Variants in GPM6A observed in about 807,000 individuals in gnomAD.
GPM6A encodes neuronal membrane glycoprotein M6-a.
In GPM6A, 7 loss-of-function variants were observed where a neutral mutation model predicts 32.1. The observed-to-expected ratio is 0.22, with a 90% CI of 0.12 to 0.41. The LOEUF (loss-of-function observed/expected upper bound fraction) is 0.41. GPM6A is among the 10% of genes least tolerant of loss of function. The probability of loss-of-function intolerance (pLI) is 1.00; values close to 1 mark genes in which losing one functional copy is unlikely to be tolerated. For synonymous variants in GPM6A, 130 were observed against 123.4 expected, an observed-to-expected ratio of 1.05 and a Z score of -0.35; for missense variants, 235 against 347.2, an observed-to-expected ratio of 0.68 and a Z score of 2.57.
At chr4:175,991,609 A>G (rs1741148175) in intron 1 of GPM6A, among the ~76,000 whole-genome samples, 1 of 152,192 alleles carries the variant, frequency 6.6e-6, no homozygotes, top group Admixed American at 6.5e-5. Context: ...AAAACTATCT[A>G]CTAAATATAA....
At chr4:175,734,326 T>C (rs1731564070) in intron 1 of GPM6A, among the ~76,000 whole-genome samples, 2 of 152,062 alleles carry the variant, frequency 1.3e-5, no homozygotes, top group African/African-American at 4.8e-5. Flanking sequence ...CTCACTACTG[T>C]CACTTGATCA....
intron 1 of GPM6A, among the ~76,000 whole-genome samples, chr4:175,923,085 A>G (rs917271166): frequency 9.9e-5 from 15 of 151,958 alleles, no homozygotes; most frequent in East Asian, 9.6e-4. Context: ...TATTATTCAT[A>G]TAAAAATTGA....
chr4:175,852,004 C>T (rs1333185918), intron 1 of GPM6A, among the ~76,000 whole-genome samples: 1 of 152,042 alleles, frequency 6.6e-6, no homozygotes, highest in East Asian at 1.9e-4. Flanking sequence ...ATTAAAAGAT[C>T]AGTCAGAGCA....
chr4:175,834,654 AC>A (rs1391954705), intron 1 of GPM6A, among the ~76,000 whole-genome samples: 1 of 152,162 alleles, frequency 6.6e-6, no homozygotes, highest in Non-Finnish European at 1.5e-5. Context: ...TAAAAAAAAA[AC>A]AACTGTTTAT....
chr4:175,726,679 A>C (rs1164930782), intron 1 of GPM6A, among the ~76,000 whole-genome samples: 4 of 152,228 alleles, frequency 2.6e-5, no homozygotes, highest in Non-Finnish European at 5.9e-5. Context: ...AGAAGCTAAA[A>C]GACACAAAAA....
At chr4:175,803,410 C>G (rs1313285086) in intron 1 of GPM6A, among the ~76,000 whole-genome samples, 3 of 152,068 alleles carry the variant, frequency 2.0e-5, no homozygotes, top group African/African-American at 4.8e-5. Flanking sequence ...GTTATTAGTC[C>G]TTTAATTCTG....
chr4:175,921,358 C>G (rs1738658653), intron 1 of GPM6A, among the ~76,000 whole-genome samples: 1 of 152,130 alleles, frequency 6.6e-6, no homozygotes, highest in African/African-American at 2.4e-5. Flanking sequence ...TTCTTATACA[C>G]TCTGTATGCA....
At chr4:175,936,306 CAAAAAAAAAAAAAAA>C (rs35653197) in intron 1 of GPM6A, among the ~76,000 whole-genome samples, 9 of 45,600 alleles carry the variant, frequency 2.0e-4, no homozygotes, top group East Asian at 1.8e-3. Context: ...ACTCTGTCTC[CAAAAAAAAAAAAAAA>C]AAAAAAAAAA....
intron 1 of GPM6A, among the ~76,000 whole-genome samples, chr4:175,955,923 C>T (rs917787350): frequency 2.0e-5 from 3 of 152,114 alleles, no homozygotes; most frequent in African/African-American, 7.2e-5. Context: ...GCTCTGCCTT[C>T]AGTGACGTTA....
At chr4:175,801,135 T>C (rs1734455705) in intron 1 of GPM6A, 1 of 152,120 alleles carries the variant, frequency 6.6e-6, no homozygotes, top group African/African-American at 2.4e-5. Context: ...AGTTTGCCAT[T>C]TTTTGCTAAC....
intron 1 of GPM6A, among the ~76,000 whole-genome samples, chr4:175,853,178 A>C (rs1023501238): frequency 6.6e-6 from 1 of 152,122 alleles, no homozygotes; most frequent in African/African-American, 2.4e-5. Flanking sequence ...TTTGGTTCAA[A>C]GAGATTAAAA....
chr4:175,655,957 AG>A, intron 3 of GPM6A, among the ~76,000 whole-genome samples: 1 of 152,204 alleles, frequency 6.6e-6, no homozygotes. Flanking sequence ...GTACTTTCAA[AG>A]GGTAGGTATG....
chr4:175,738,294 C>T (rs1731746034), intron 1 of GPM6A, among the ~76,000 whole-genome samples: 2 of 152,026 alleles, frequency 1.3e-5, no homozygotes, highest in Non-Finnish European at 2.9e-5. Flanking sequence ...AGGGACCAAA[C>T]GTTCAAACCA....
intron 1 of GPM6A, among the ~76,000 whole-genome samples, chr4:175,870,150 T>C (rs935506040): frequency 2.0e-5 from 3 of 152,228 alleles, no homozygotes; most frequent in African/African-American, 7.2e-5. Context: ...AACACTTTGA[T>C]GTGTTTTGTC....
Position 175,962,002 on chromosome 4 carries a change from G to T in GPM6A, c.-23+40307C>A, listed in dbSNP as rs564595588. On this transcript the variant is annotated intron_variant, in intron 1 of 7. Transcript: ENST00000280187. The stretch of plus-strand genomic sequence containing the variant: ...AATAGGGCTCTTGTATATTAACAGG[G>T]GAGCACAACTGAAAATGTTCACGTC... The T allele has an allele frequency of 1.6e-5, 9 of 569,770 alleles. No individual in the cohort carries two copies. The East Asian group carries it at 3.0e-4, about 19-fold the overall frequency. The allele number at this position is 569,770 out of a possible 1,614,324, so 35.3% of individuals were successfully genotyped here. A position where few individuals can be genotyped will look rare whatever the true frequency, so the allele number is the denominator to read the frequency against.
intron 1 of GPM6A, among the ~76,000 whole-genome samples, chr4:175,801,669 T>C (rs1734477197): frequency 2.0e-5 from 3 of 152,192 alleles, no homozygotes; most frequent in Admixed American, 6.5e-5. Context: ...CTTTAAAGAC[T>C]ATGGAATGCC....
chr4:175,636,819 A>G (rs910109106), intron 6 of GPM6A, among the ~76,000 whole-genome samples: 3 of 145,486 alleles, frequency 2.1e-5, no homozygotes, highest in African/African-American at 7.5e-5. Flanking sequence ...ATATATTTAC[A>G]TAATATATAT....
At chr4:175,702,758 A>G (rs759010393) in intron 1 of GPM6A, among the ~76,000 whole-genome samples, 1 of 152,130 alleles carries the variant, frequency 6.6e-6, no homozygotes, top group Non-Finnish European at 1.5e-5. Flanking sequence ...CTCAAAACTC[A>G]GTGAACTTTG....
intron 1 of GPM6A, among the ~76,000 whole-genome samples, chr4:175,809,152 G>A (rs1451543061): frequency 3.9e-5 from 6 of 152,082 alleles, no homozygotes; most frequent in South Asian, 2.1e-4. Context: ...GTATTTTCTC[G>A]TAAGATTTGG....
Sources: allele counts gnomAD v4.1 joint callset (sites outside exome capture counted in the v4.1 genomes callset), GRCh38; gene constraint gnomAD v4.1.1; transcripts MANE v1.5; gene names NCBI Gene and HGNC (gene_info 2026-07-23, HGNC 2026-07-21).